The following ZMAT4 variants were observed in gnomAD, a reference collection of about 807,000 sequenced individuals.
ZMAT4 encodes zinc finger matrin-type 4, also known as zinc finger matrin-type protein 4.
ZMAT4 carries 17 observed loss-of-function variants against 28.7 expected under a neutral mutation model. The observed-to-expected ratio is 0.59, with a 90% CI of 0.41 to 0.89. The LOEUF is 0.89. ZMAT4 is among the 40% of genes least tolerant of loss of function. ZMAT4 has a pLI of 0.00. For synonymous variants in ZMAT4, 117 were observed against 109.2 expected (o/e 1.07, Z -0.44); for missense variants, 240 against 283.8 (o/e 0.85, Z 1.11).
At chr8:40,845,950 G>A (rs575440858) in intron 1 of ZMAT4, among the ~76,000 whole-genome samples, 19 of 152,236 alleles carry the variant, frequency 1.2e-4, no homozygotes, top group African/African-American at 4.3e-4. Context: ...CAGAGAGGAA[G>A]CAGGACTTCT....
intron 1 of ZMAT4, among the ~76,000 whole-genome samples, chr8:40,830,476 C>G (rs963417520): frequency 6.6e-6 from 1 of 152,180 alleles, no homozygotes; most frequent in African/African-American, 2.4e-5. Flanking sequence ...ATGGTGTCCT[C>G]TACCTCTACC....
chr8:40,714,623 T>G (rs1182595536), intron 3 of ZMAT4, among the ~76,000 whole-genome samples: 1 of 152,184 alleles, frequency 6.6e-6, no homozygotes, highest in African/African-American at 2.4e-5. Flanking sequence ...CATTGATGCC[T>G]TTTGTCATGG....
intron 3 of ZMAT4, among the ~76,000 whole-genome samples, chr8:40,732,447 T>C (rs1811581538): frequency 1.3e-5 from 2 of 152,064 alleles, no homozygotes; most frequent in South Asian, 2.1e-4. Context: ...GGAACCCAAG[T>C]AGAAAAGAGG....
chr8:40,672,719 C>T (rs1808729829), intron 5 of ZMAT4, among the ~76,000 whole-genome samples: 1 of 152,168 alleles, frequency 6.6e-6, no homozygotes, highest in South Asian at 2.1e-4. Context: ...CTATTTTTCT[C>T]CTTCACTGCC....
chr8:40,826,841 C>A (rs1816069655), intron 1 of ZMAT4, among the ~76,000 whole-genome samples: 1 of 152,186 alleles, frequency 6.6e-6, no homozygotes, highest in South Asian at 2.1e-4. Flanking sequence ...GATCTTATGG[C>A]AGCTGAAGGA....
intron 3 of ZMAT4, among the ~76,000 whole-genome samples, chr8:40,729,256 T>TA (rs1215928886): frequency 6.6e-6 from 1 of 152,166 alleles, no homozygotes; most frequent in Non-Finnish European, 1.5e-5. Flanking sequence ...CTCTAGGAGG[T>TA]ACGGTACAAA....
intron 5 of ZMAT4, among the ~76,000 whole-genome samples, chr8:40,664,276 C>T (rs923339813): frequency 6.6e-6 from 1 of 152,148 alleles, no homozygotes; most frequent in African/African-American, 2.4e-5. Flanking sequence ...ATTCAAAACC[C>T]CAAGGAGAGG....
chr8:40,617,717 G>T (rs1385969272), intron 5 of ZMAT4, among the ~76,000 whole-genome samples: 1 of 152,054 alleles, frequency 6.6e-6, no homozygotes, highest in African/African-American at 2.4e-5. Context: ...GTTGAAGCAG[G>T]GTCCCTGCAT....
intron 1 of ZMAT4, among the ~76,000 whole-genome samples, chr8:40,826,497 T>C (rs1294537074): frequency 6.6e-6 from 1 of 152,226 alleles, no homozygotes; most frequent in African/African-American, 2.4e-5. Context: ...AATCACATAT[T>C]ACTTTTGTAG....
At chr8:40,804,739 G>A (rs566932407) in intron 2 of ZMAT4, among the ~76,000 whole-genome samples, 1 of 152,000 alleles carries the variant, frequency 6.6e-6, no homozygotes, top group East Asian at 1.9e-4. Flanking sequence ...TACTTGGGAG[G>A]CTGAGGCAGG....
intron 1 of ZMAT4, among the ~76,000 whole-genome samples, chr8:40,846,872 G>A (rs1055663050): frequency 6.6e-6 from 1 of 152,140 alleles, no homozygotes; most frequent in African/African-American, 2.4e-5. Context: ...TGTTCTGTAT[G>A]GCTTTTAAAC....
chr8:40,672,865 C>T (rs967535854), intron 5 of ZMAT4, among the ~76,000 whole-genome samples: 1 of 152,134 alleles, frequency 6.6e-6, no homozygotes, highest in Non-Finnish European at 1.5e-5. Flanking sequence ...AATCCTCCAT[C>T]AAAAAGCAGT....
intron 3 of ZMAT4, among the ~76,000 whole-genome samples, chr8:40,753,730 TTTGAATC>T (rs1812554817): frequency 6.6e-6 from 1 of 152,224 alleles, no homozygotes; most frequent in South Asian, 2.1e-4. Context: ...CAGTATTGAG[TTTGAATC>T]TTGGCTGTAT....
At position 40,789,046 on chromosome 8, in the gene ZMAT4, AGAAGG is replaced by A. The variant is rs1359299212; in HGVS notation, c.103-21321_103-21317del. Among the ~76,000 whole-genome samples, 685 of 116,056 alleles carry A rather than the reference AGAAGG, an allele frequency of 5.9e-3. 4 individuals carry two copies. The highest frequency in any genetic ancestry group is 8.3e-3 in the Middle Eastern group (2 of 242). 76.1% of individuals were successfully genotyped at this position (116,056 alleles called of 152,430 possible). On this transcript the variant is annotated intron_variant, in intron 2 of 6. Coordinates refer to ENST00000297737, the MANE Select transcript of ZMAT4 (RefSeq NM_024645.3). ...GAGGGAGGGAGGGAAGGAAGGAAGGAGAAGGGAAGGGAAGGGAAGGGAGGGAAGGG... is the reference window on the plus strand; with the variant it reads ...GAGGGAGGGAGGGAAGGAAGGAAGGAGAAGGGAAGGGAAGGGAGGGAAGGG...
chr8:40,826,960 T>C (rs993361141), intron 1 of ZMAT4, among the ~76,000 whole-genome samples: 2 of 152,108 alleles, frequency 1.3e-5, no homozygotes, highest in Admixed American at 1.3e-4. Context: ...GTAAAGACCA[T>C]GGCAGACAGC....
intron 1 of ZMAT4, among the ~76,000 whole-genome samples, chr8:40,896,697 G>T (rs1818890027): frequency 6.6e-6 from 1 of 152,178 alleles, no homozygotes. Flanking sequence ...ATGCTCAAGG[G>T]TGCTTCTGGG....
At chr8:40,657,084 G>T (rs1202648538) in intron 5 of ZMAT4, among the ~76,000 whole-genome samples, 1 of 152,132 alleles carries the variant, frequency 6.6e-6, no homozygotes, top group Admixed American at 6.6e-5. Context: ...AAGCTGGAGT[G>T]CAATGATGCA....
intron 2 of ZMAT4, among the ~76,000 whole-genome samples, chr8:40,774,600 G>A (rs775787651): frequency 7.9e-5 from 12 of 151,710 alleles, no homozygotes; most frequent in Non-Finnish European, 1.8e-4. Flanking sequence ...CCTAAAACAA[G>A]AGGGATAAAT....
intron 6 of ZMAT4, among the ~76,000 whole-genome samples, chr8:40,558,181 A>G (rs1803608042): frequency 6.6e-6 from 1 of 152,140 alleles, no homozygotes; most frequent in Non-Finnish European, 1.5e-5. Context: ...GCAGGGAGGT[A>G]GGTTGATATT....
Sources: gnomAD v4.1 joint callset for allele counts (sites outside exome capture counted in the v4.1 genomes callset) on GRCh38, gnomAD v4.1.1 for gene constraint, MANE v1.5 for transcripts, NCBI Gene and HGNC (gene_info 2026-07-23, HGNC 2026-07-21) for gene names.